The following CAMTA1 variants were observed in gnomAD, a reference collection of about 807,000 sequenced individuals.
The protein encoded by CAMTA1 is calmodulin-binding transcription activator 1.
CAMTA1 carries 27 observed loss-of-function variants against 170.9 expected under a neutral mutation model. That is an observed-to-expected ratio of 0.16 (90% CI 0.12 to 0.22). The LOEUF is 0.22. Ranked by LOEUF, CAMTA1 falls within the 10% of genes least tolerant of loss-of-function variation. CAMTA1 has a pLI of 1.00. For missense variants in CAMTA1, 1,619 were observed against 2,217.2 expected (o/e 0.73, Z 5.42); for synonymous variants, 833 against 891.5 (o/e 0.93, Z 1.17).
At chr1:6,891,953 G>A (rs181874095) in intron 3 of CAMTA1, among the ~76,000 whole-genome samples, 154 of 152,230 alleles carry the variant, frequency 1.0e-3, no homozygotes, top group African/African-American at 3.3e-3. Context: ...GCCAAGGAGT[G>A]GCCTGGTGAG....
chr1:7,361,685 CTTT>C (rs1156871115), intron 5 of CAMTA1, among the ~76,000 whole-genome samples: 4 of 152,330 alleles, frequency 2.6e-5, no homozygotes, highest in Admixed American at 6.5e-5. Context: ...GTACATTAAA[CTTT>C]TATGCATGGC....
chr1:7,264,835 A>G (rs1315852243), intron 5 of CAMTA1, among the ~76,000 whole-genome samples: 2 of 152,220 alleles, frequency 1.3e-5, no homozygotes, highest in African/African-American at 4.8e-5. Flanking sequence ...TTATTTACAG[A>G]AAGAGCATCT....
intron 5 of CAMTA1, among the ~76,000 whole-genome samples, chr1:7,358,081 A>G (rs1487486833): frequency 6.6e-6 from 1 of 152,216 alleles, no homozygotes; most frequent in East Asian, 1.9e-4. Context: ...GGGGGAATGG[A>G]CACGGAGAAC....
At chr1:7,564,868 CAA>C (rs560387131) in intron 6 of CAMTA1, among the ~76,000 whole-genome samples, 3 of 150,874 alleles carry the variant, frequency 2.0e-5, no homozygotes, top group Non-Finnish European at 4.4e-5. Flanking sequence ...AACAAAGAGA[CAA>C]TGAACAAAAA....
chr1:7,715,761 G>A (rs1222456856), intron 11 of CAMTA1, among the ~76,000 whole-genome samples: 1 of 152,216 alleles, frequency 6.6e-6, no homozygotes, highest in Non-Finnish European at 1.5e-5. Context: ...GGTGCCAAGG[G>A]ATACTCAGAG....
At chr1:7,281,711 G>A (rs1671528749) in intron 5 of CAMTA1, among the ~76,000 whole-genome samples, 1 of 151,728 alleles carries the variant, frequency 6.6e-6, no homozygotes, top group Admixed American at 6.6e-5. Context: ...AATTTCACGG[G>A]GTATTAAGTG....
Position 7,664,019 on chromosome 1 carries a change from A to G in CAMTA1, c.1472A>G (p.Asn491Ser). ...TTTGACCCCGACTGTTTCCTTAATA[A>G]CCCAAAGCAGGGCCAGACGTACGGG... ...MNFDPDCFLN[N>S]PKQGQTYGGG... Residue 491 changes from asparagine (N) to serine (S), a missense_variant, in exon 9 of 23, where the codon AAC (asparagine) becomes AGC (serine). Asn to Ser is a conservative substitution (Grantham distance 46). This residue lies in a region of CAMTA1 where 731 missense variants were observed against 907.6 expected (regional missense o/e 0.81). Coordinates refer to ENST00000303635, the MANE Select transcript of CAMTA1 (RefSeq NM_015215.4). 6.2e-7 allele frequency: 1 copy of G among 1,613,854 alleles called. No individual in the cohort carries two copies. The highest frequency in any genetic ancestry group is 8.5e-7 in the Non-Finnish European group (1 of 1,179,992).
At chr1:7,127,516 T>A (rs978309195) in intron 4 of CAMTA1, among the ~76,000 whole-genome samples, 1 of 151,650 alleles carries the variant, frequency 6.6e-6, no homozygotes, top group South Asian at 2.1e-4. Context: ...TTAATGGGAG[T>A]GGAACTGCCA....
At chr1:7,069,130 T>C (rs901016325) in intron 3 of CAMTA1, among the ~76,000 whole-genome samples, 2 of 152,206 alleles carry the variant, frequency 1.3e-5, no homozygotes, top group African/African-American at 2.4e-5. Flanking sequence ...GCCATGTCTT[T>C]ATTTTATGAT....
At chr1:7,100,687 G>A (rs148404706) in intron 4 of CAMTA1, among the ~76,000 whole-genome samples, 4 of 152,298 alleles carry the variant, frequency 2.6e-5, no homozygotes, top group African/African-American at 9.6e-5. Flanking sequence ...CCCGGCGCTG[G>A]CCTCCTGTCC....
At chr1:6,826,631 A>T (rs1202899056) in intron 3 of CAMTA1, among the ~76,000 whole-genome samples, 1 of 152,238 alleles carries the variant, frequency 6.6e-6, no homozygotes, top group Non-Finnish European at 1.5e-5. Context: ...GTTCTAGTTT[A>T]TTTATAAATG....
rs114507856 is a variant in CAMTA1, at chr1:6,838,819, C to T, written c.234+13609C>T. 4.5e-3 allele frequency among the ~76,000 whole-genome samples: 686 copies of T among 152,186 alleles called. 7 individuals are homozygous for T. The highest frequency in any genetic ancestry group is 0.016 in the African/African-American group (667 of 41,548). ...TCACCCAGGCTGGAGTGCAATGGTG[C>T]GATTATAGCTCACTGCAGCTTCAAA... is the stretch of plus-strand genomic sequence containing the variant. On this transcript the variant is annotated intron_variant, in intron 3 of 22. Transcript: ENST00000303635.
chr1:6,913,689 A>G (rs1333875248), intron 3 of CAMTA1, among the ~76,000 whole-genome samples: 1 of 152,062 alleles, frequency 6.6e-6, no homozygotes, highest in Non-Finnish European at 1.5e-5. Flanking sequence ...CCCTGTGCTC[A>G]GTTCCAGAGA....
chr1:6,982,465 G>A (rs1694593502), intron 3 of CAMTA1, among the ~76,000 whole-genome samples: 1 of 152,222 alleles, frequency 6.6e-6, no homozygotes, highest in Admixed American at 6.5e-5. Flanking sequence ...GACATGGAGA[G>A]CGGGAGGAGG....
At chr1:6,942,857 G>T (rs953580169) in intron 3 of CAMTA1, among the ~76,000 whole-genome samples, 13 of 152,176 alleles carry the variant, frequency 8.5e-5, no homozygotes, top group Non-Finnish European at 1.5e-5. Context: ...CGATGTTTGC[G>T]TGTTTAAGGA....
chr1:7,488,508 TACAC>T (rs1336193349), intron 6 of CAMTA1, among the ~76,000 whole-genome samples: 1 of 151,766 alleles, frequency 6.6e-6, no homozygotes, highest in Admixed American at 6.6e-5. Flanking sequence ...CACACGCACA[TACAC>T]ACACATGTAC....
At position 6,970,687 on chromosome 1, in the gene CAMTA1, T is replaced by C. The variant is rs1465694149; in HGVS notation, c.235-120617T>C. 6.6e-6 allele frequency among the ~76,000 whole-genome samples: 1 copy of C among 152,168 alleles called. No homozygotes were observed. Among genetic ancestry groups the C allele is most frequent in the East Asian group, 1.9e-4 (1 of 5,196 alleles). ...GCATATCAGAAGCACAGGGGGCTAC[T>C]AGAGCACCTGTTCAGGACGTATCAT... is the stretch of plus-strand genomic sequence containing the variant. On this transcript the variant is annotated intron_variant, in intron 3 of 22. Transcript: ENST00000303635. This position sits in a 1 kb window ranked among gnomAD's most constrained non-coding sequence, Gnocchi z 4.4.
intron 3 of CAMTA1, among the ~76,000 whole-genome samples, chr1:6,946,452 A>G (rs1687593960): frequency 6.6e-6 from 1 of 152,090 alleles, no homozygotes; most frequent in Non-Finnish European, 1.5e-5. Flanking sequence ...TTAGCCTCAC[A>G]CAGTGCCAGG....
At chr1:6,899,950 G>A (rs1363905904) in intron 3 of CAMTA1, among the ~76,000 whole-genome samples, 1 of 152,222 alleles carries the variant, frequency 6.6e-6, no homozygotes, top group Admixed American at 6.5e-5. Flanking sequence ...CACTGTGCGT[G>A]TTTGTTGCTG....
Sources: allele counts gnomAD v4.1 joint callset (sites outside exome capture counted in the v4.1 genomes callset), GRCh38; gene constraint gnomAD v4.1.1; regional missense constraint gnomAD v4.1.1; non-coding constraint Gnocchi (gnomAD v3.1); transcripts MANE v1.5; gene names NCBI Gene and HGNC (gene_info 2026-07-23, HGNC 2026-07-21).